Variants in STEAP3 observed in about 807,000 individuals in gnomAD.
STEAP3 encodes STEAP3 metalloreductase, also known as metalloreductase STEAP3.
A neutral mutation model predicts 34.9 loss-of-function variants in STEAP3; 35 were observed. The ratio of observed to expected loss-of-function variants is 1.00; its 90% CI spans 0.76 to 1.33. STEAP3 has a LOEUF of 1.33. STEAP3 is among the 40% of genes most tolerant of loss of function. The pLI is 0.00. For missense variants in STEAP3, 652 were observed against 667.6 expected (o/e 0.98, Z 0.26); for synonymous variants, 281 against 301.6 (o/e 0.93, Z 0.71).
rs368298756 is a variant in STEAP3, at chr2:119,248,062, C to G, written c.906C>G (p.Pro302=). ...GCGGCACCAAGTACCAGCGCTTCCC[C>G]GACTGGCTGGACCACTGGCTACAGC... ...LRRGTKYQRF[P]DWLDHWLQHR... is the part of the protein sequence containing the mutation. The change falls in exon 4 of 6, where the codon CCC becomes CCG. Residue 302 remains proline, a synonymous_variant. Transcript: ENST00000393110. 1.4e-5 allele frequency: 23 copies of G among 1,608,614 alleles called. No individual in the cohort carries two copies. The South Asian group carries it at 2.1e-4, about 15-fold the overall frequency.
Position 119,247,953 on chromosome 2 carries a change from A to G in STEAP3, c.797A>G (p.Asn266Ser), listed in dbSNP as rs777805661. ...KFFKLPVSVV[N>S]TTLPCVAYVL... ...TTCAAGCTGCCCGTGTCCGTGGTCA[A>G]CACCACACTGCCGTGCGTGGCCTAC... The change falls in exon 4 of 6, where the codon AAC (asparagine) becomes AGC (serine). Residue 266 changes from asparagine to serine, a missense_variant. Asn to Ser is a conservative substitution (Grantham distance 46, BLOSUM62 1). Coordinates refer to ENST00000393110, the MANE Select transcript of STEAP3 (RefSeq NM_182915.3). 2.5e-6 allele frequency: 4 copies of G among 1,613,472 alleles called. No individual in the cohort carries two copies. The African/African-American group carries it at 4.0e-5, about 16-fold the overall frequency.
At chr2:119,242,189 A>G (rs1230898851) in intron 2 of STEAP3, among the ~76,000 whole-genome samples, 1 of 152,208 alleles carries the variant, frequency 6.6e-6, no homozygotes, top group Non-Finnish European at 1.5e-5. Flanking sequence ...GAGAGGGCAG[A>G]GACAGAGGAG....
chr2:119,243,676 A>G (rs980445981), intron 2 of STEAP3, among the ~76,000 whole-genome samples: 2 of 152,066 alleles, frequency 1.3e-5, no homozygotes, highest in African/African-American at 4.8e-5. Flanking sequence ...AGTTTCAAAA[A>G]CCTCTTAAGA....
intron 2 of STEAP3, among the ~76,000 whole-genome samples, chr2:119,239,000 G>A (rs1439395647): frequency 6.6e-6 from 1 of 152,148 alleles, no homozygotes; most frequent in Non-Finnish European, 1.5e-5. Flanking sequence ...ACGAGCACAT[G>A]AGAAAAAGAC....
In STEAP3 at chr2:119,245,583, C is replaced by A; in HGVS notation, c.117C>A (p.Pro39=). 6.2e-7 allele frequency: 1 copy of A among 1,606,806 alleles called. No homozygotes were observed. The highest frequency in any genetic ancestry group is 8.5e-7 in the Non-Finnish European group (1 of 1,173,948). Reference sequence around the variant, plus strand: ...TTGCCAAGGTCCCCGATGAGGCCCCCAAAGTGGGCATCCTGGGTAGCGGGG... The same window carrying A: ...TTGCCAAGGTCCCCGATGAGGCCCCAAAAGTGGGCATCCTGGGTAGCGGGG... ...SSLAKVPDEA[P]KVGILGSGDF... is the part of the protein sequence containing the mutation. Residue 39 remains proline (P), a synonymous_variant, in exon 3 of 6, where the codon CCC becomes CCA. Coordinates refer to ENST00000393110, the MANE Select transcript of STEAP3 (RefSeq NM_182915.3).
chr2:119,246,020 C>T (rs1351326251), intron 3 of STEAP3, 32 bp downstream of exon 3: 2 of 1,581,488 alleles, frequency 1.3e-6, no homozygotes, highest in Non-Finnish European at 1.7e-6. Flanking sequence ...CCCATCGTAA[C>T]AATAAATATA....
At chr2:119,260,488 G>T (rs1223139899) in intron 5 of STEAP3, among the ~76,000 whole-genome samples, 1 of 152,000 alleles carries the variant, frequency 6.6e-6, no homozygotes, top group African/African-American at 2.4e-5. Context: ...CGGGGACGGG[G>T]TTTATCCATG....
chr2:119,232,220 A>G (rs1676961670), intron 2 of STEAP3, among the ~76,000 whole-genome samples: 1 of 152,160 alleles, frequency 6.6e-6, no homozygotes, highest in South Asian at 2.1e-4. Flanking sequence ...CCCACCCCAG[A>G]GGCAGCTTGA....
chr2:119,230,414 A>G (rs1047648839), intron 1 of STEAP3, among the ~76,000 whole-genome samples: 1 of 152,182 alleles, frequency 6.6e-6, no homozygotes, highest in Non-Finnish European at 1.5e-5. Context: ...ACAAGCAAGT[A>G]AAGATGACAA....
At position 119,263,830 on chromosome 2, in the gene STEAP3, G is replaced by A; in HGVS notation, c.*492G>A. The A allele has an allele frequency of 4.3e-6, 1 of 235,038 alleles. No homozygotes were observed. The highest frequency in any genetic ancestry group is 8.5e-6 in the Non-Finnish European group (1 of 118,134). The allele number at this position is 235,038 out of a possible 1,614,324, so 14.6% of individuals were successfully genotyped here. A position where few individuals can be genotyped will look rare whatever the true frequency, so the allele number is the denominator to read the frequency against. ...AGGGAAGGCAACGGCTCTGCCCAGA[G>A]CCATCCCTGGAGCATGTGAGCAGCG... On this transcript the variant is annotated 3_prime_UTR_variant, in exon 6 of 6. Coordinates refer to ENST00000393110, the MANE Select transcript of STEAP3 (RefSeq NM_182915.3).
chr2:119,240,026 A>C (rs1677201345), intron 2 of STEAP3, among the ~76,000 whole-genome samples: 1 of 152,178 alleles, frequency 6.6e-6, no homozygotes, highest in Admixed American at 6.6e-5. Context: ...CAGACAAAAA[A>C]AATTTTTTTT....
At chr2:119,240,603 G>A (rs557513986) in intron 2 of STEAP3, among the ~76,000 whole-genome samples, 15 of 152,344 alleles carry the variant, frequency 9.8e-5, no homozygotes, top group South Asian at 4.1e-4. Context: ...TGGGCCAGGC[G>A]TGGCTCCCAG....
At chr2:119,241,671 G>T (rs749791849) in intron 2 of STEAP3, among the ~76,000 whole-genome samples, 13 of 152,138 alleles carry the variant, frequency 8.5e-5, no homozygotes, top group Non-Finnish European at 1.8e-4. Flanking sequence ...GCCAGTTAGG[G>T]GCAGACGTGG....
chr2:119,253,618 A>G (rs1677689259), intron 4 of STEAP3, among the ~76,000 whole-genome samples: 1 of 152,190 alleles, frequency 6.6e-6, no homozygotes, highest in South Asian at 2.1e-4. Context: ...CCAGCATTTC[A>G]CAGTGTTTCA....
In STEAP3 at chr2:119,225,962, G is replaced by A. The variant is rs554664750; in HGVS notation, c.-394+2074G>A. ...CCCTCCTTCTTCACCTCAGGTTTGC[G>A]AGTTAACCAGTGAGGGGCCTTCCAG... is the stretch of plus-strand genomic sequence containing the variant. On this transcript the variant is annotated intron_variant, in intron 1 of 5. Transcript: ENST00000393110. 1.4e-4 allele frequency among the ~76,000 whole-genome samples: 21 copies of A among 152,376 alleles called. No individual in the cohort carries two copies. In the South Asian group the frequency reaches 2.1e-3, roughly 15 times the overall value.
In STEAP3 at chr2:119,230,882, C is replaced by T. The variant is rs983385362; in HGVS notation, c.-131C>T. On this transcript the variant is annotated 5_prime_UTR_variant, in exon 2 of 6. Transcript: ENST00000393110. ...CTGTGCAAGACCCTGGCAGGGCCCTCGCCTCCTGAGAAACCGAGAGTCAGA... is the reference window on the plus strand; with the variant it reads ...CTGTGCAAGACCCTGGCAGGGCCCTTGCCTCCTGAGAAACCGAGAGTCAGA... The T allele has an allele frequency of 3.3e-5, 42 of 1,263,958 alleles. No individual in the cohort carries two copies. The highest frequency in any genetic ancestry group is 4.9e-5 in the South Asian group (4 of 81,318). The allele number at this position is 1,263,958 out of a possible 1,614,324, so 78.3% of individuals were successfully genotyped here.
chr2:119,235,878 G>T (rs901696214), intron 2 of STEAP3, among the ~76,000 whole-genome samples: 1 of 152,128 alleles, frequency 6.6e-6, no homozygotes. Flanking sequence ...CCCCTAGAGG[G>T]CTCAAGGAGC....
intron 2 of STEAP3, among the ~76,000 whole-genome samples, chr2:119,241,635 G>A (rs924258131): frequency 5.9e-5 from 9 of 152,182 alleles, no homozygotes; most frequent in Admixed American, 5.2e-4. Context: ...CACCCAGAGA[G>A]GCCCAGGGAC....
chr2:119,238,356 T>A (rs1322392943), intron 2 of STEAP3, among the ~76,000 whole-genome samples: 1 of 152,228 alleles, frequency 6.6e-6, no homozygotes, highest in African/African-American at 2.4e-5. Context: ...TGAAGTGGTA[T>A]CTCATTGTGG....
Sources: gnomAD v4.1 joint callset for allele counts (sites outside exome capture counted in the v4.1 genomes callset) on GRCh38, gnomAD v4.1.1 for gene constraint, MANE v1.5 for transcripts, NCBI Gene and HGNC (gene_info 2026-07-23, HGNC 2026-07-21) for gene names.